The following NAV3 variants were observed in gnomAD, a reference collection of about 807,000 sequenced individuals.
The protein encoded by NAV3 is neuron navigator 3, also known as pore membrane and/or filament interacting like protein 1.
Under a neutral mutation model 244.7 loss-of-function variants are expected in NAV3, and 87 were observed. That is an observed-to-expected ratio of 0.36 (90% confidence interval 0.30 to 0.42). NAV3 has a LOEUF of 0.42. NAV3 is among the 20% of genes least tolerant of loss of function. NAV3 has a pLI of 1.00. For missense variants in NAV3, 2,663 were observed against 2,893.3 expected, an observed-to-expected ratio of 0.92 and a Z score of 1.83; for synonymous variants, 1,126 against 1,042.2, an observed-to-expected ratio of 1.08 and a Z score of -1.55.
At chr12:78,000,252 G>A (rs10777646) in intron 7 of NAV3, among the ~76,000 whole-genome samples, 125,201 of 151,986 alleles carry the variant, frequency 0.82, 51,723 homozygotes, top group Admixed American at 0.87. Context: ...GACAGATGTC[G>A]TGTAATATGC....
At chr12:77,876,522 A>G (rs145809087) in intron 1 of NAV3, among the ~76,000 whole-genome samples, 18 of 152,256 alleles carry the variant, frequency 1.2e-4, no homozygotes, top group African/African-American at 4.1e-4. Context: ...TGTGCATTTA[A>G]TTTAGTTGAC....
chr12:77,782,378 G>A (rs981141437), intron 2 of NAV3, among the ~76,000 whole-genome samples: 1 of 145,520 alleles, frequency 6.9e-6, no homozygotes, highest in African/African-American at 2.6e-5. Context: ...TTTTGATGTA[G>A]GTCTTCCATT....
At chr12:77,599,919 G>C (rs1489583074) in intron 2 of NAV3, among the ~76,000 whole-genome samples, 3 of 151,862 alleles carry the variant, frequency 2.0e-5, no homozygotes, top group African/African-American at 7.3e-5. Flanking sequence ...CCAGTTTTTA[G>C]TCCAATCCTC....
chr12:77,637,025 G>T (rs1872188812), intron 2 of NAV3, among the ~76,000 whole-genome samples: 1 of 152,042 alleles, frequency 6.6e-6, no homozygotes, highest in Non-Finnish European at 1.5e-5. Flanking sequence ...AGCATTAGGA[G>T]AAATACCTAA....
At chr12:78,073,609 C>A (rs1266303272) in intron 12 of NAV3, among the ~76,000 whole-genome samples, 1 of 152,114 alleles carries the variant, frequency 6.6e-6, no homozygotes, top group Non-Finnish European at 1.5e-5. Flanking sequence ...AATGGCCATA[C>A]TGCCCAAGGT....
At chr12:77,776,850 G>C (rs1377084721) in intron 2 of NAV3, among the ~76,000 whole-genome samples, 2 of 152,154 alleles carry the variant, frequency 1.3e-5, no homozygotes, top group African/African-American at 4.8e-5. Flanking sequence ...GTCTGGTGGA[G>C]TATGACTGTA....
At chr12:77,813,018 T>C (rs1872368613) in intron 2 of NAV3, among the ~76,000 whole-genome samples, 1 of 151,966 alleles carries the variant, frequency 6.6e-6, no homozygotes, top group African/African-American at 2.4e-5. Context: ...ACACGGGGTT[T>C]TACCATGTTG....
chr12:77,667,353 A>T (rs1041881647), intron 2 of NAV3, among the ~76,000 whole-genome samples: 4 of 152,170 alleles, frequency 2.6e-5, no homozygotes, highest in African/African-American at 7.2e-5. Flanking sequence ...GTCTGGGGCA[A>T]GTTCTCAGCC....
chr12:77,618,022 G>T (rs1871209765), intron 2 of NAV3, among the ~76,000 whole-genome samples: 2 of 152,158 alleles, frequency 1.3e-5, no homozygotes, highest in African/African-American at 4.8e-5. Flanking sequence ...AATGCTGAGT[G>T]TGCAACAAGT....
intron 30 of NAV3, among the ~76,000 whole-genome samples, chr12:78,184,311 C>T (rs1329888993): frequency 2.0e-5 from 3 of 151,700 alleles, no homozygotes; most frequent in African/African-American, 7.3e-5. Flanking sequence ...CACAAACTAC[C>T]AGAAGTCTAG....
intron 9 of NAV3, among the ~76,000 whole-genome samples, chr12:78,035,932 C>A (rs1272057435): frequency 6.6e-6 from 1 of 152,088 alleles, no homozygotes; most frequent in Non-Finnish European, 1.5e-5. Context: ...GCTTTTACAG[C>A]ACAAATCCCA....
chr12:78,176,791 C>T (rs993908355), intron 26 of NAV3, among the ~76,000 whole-genome samples: 7 of 151,990 alleles, frequency 4.6e-5, no homozygotes, highest in African/African-American at 1.4e-4. Flanking sequence ...TTGATTGTAG[C>T]GCTAAAGTGG....
intron 1 of NAV3, among the ~76,000 whole-genome samples, chr12:77,844,777 A>G (rs1224892091): frequency 6.6e-6 from 1 of 152,174 alleles, no homozygotes; most frequent in Non-Finnish European, 1.5e-5. Context: ...TATGTAGAGT[A>G]TATGTTGCAT....
intron 22 of NAV3, 22 bp downstream of exon 22, chr12:78,148,941 A>T (rs753759463): frequency 1.3e-4 from 211 of 1,570,360 alleles, no homozygotes; most frequent in Non-Finnish European, 1.7e-4. Context: ...CATTTTTAAA[A>T]TATATTACAA....
chr12:78,195,580 G>A (rs1959165542), intron 34 of NAV3, among the ~76,000 whole-genome samples: 1 of 151,946 alleles, frequency 6.6e-6, no homozygotes, highest in Non-Finnish European at 1.5e-5. Flanking sequence ...AATCCCTGGT[G>A]CCAGCAGGAT....
At chr12:77,624,669 A>C (rs1378758480) in intron 2 of NAV3, among the ~76,000 whole-genome samples, 9 of 152,082 alleles carry the variant, frequency 5.9e-5, no homozygotes, top group African/African-American at 2.2e-4. Context: ...AGAGAGAGAG[A>C]AGAATGACTC....
At chr12:77,966,589 A>C (rs1457938812) in intron 4 of NAV3, among the ~76,000 whole-genome samples, 2 of 152,156 alleles carry the variant, frequency 1.3e-5, no homozygotes, top group Non-Finnish European at 1.5e-5. Flanking sequence ...TAGTATAATT[A>C]GATTTCTTAA....
At position 77,893,095 on chromosome 12, in the gene NAV3, A is replaced by G. The variant is rs78165967; in HGVS notation, c.244-47224A>G. Among the ~76,000 whole-genome samples, 258 of 152,262 alleles carry G rather than the reference A, an allele frequency of 1.7e-3. 4 individuals carry two copies. The East Asian group carries it at 0.043, about 25-fold the overall frequency. ...TGAATTAGTTATAAGAATTTCCTCTATCTCTAATTGTAGGATTTTTACTTG... is the reference window on the plus strand; with the variant it reads ...TGAATTAGTTATAAGAATTTCCTCTGTCTCTAATTGTAGGATTTTTACTTG... On this transcript the variant is annotated intron_variant, in intron 1 of 39. Transcript: ENST00000397909.
intron 2 of NAV3, among the ~76,000 whole-genome samples, chr12:77,791,077 CG>C (rs2135943083): frequency 6.6e-6 from 1 of 152,218 alleles, no homozygotes; most frequent in African/African-American, 2.4e-5. Flanking sequence ...TCCATTTGGC[CG>C]GGCGCGGTGG....
Sources: gnomAD v4.1 joint callset for allele counts (sites outside exome capture counted in the v4.1 genomes callset) on GRCh38, gnomAD v4.1.1 for gene constraint, MANE v1.5 for transcripts, NCBI Gene and HGNC (gene_info 2026-07-23, HGNC 2026-07-21) for gene names.